The following NCALD variants were observed in gnomAD, a reference collection of about 807,000 sequenced individuals.
NCALD encodes the protein neurocalcin delta, also known as neurocalcin-delta.
NCALD carries 10 observed loss-of-function variants against 18.6 expected under a neutral mutation model. That is an observed-to-expected ratio of 0.54 (90% CI 0.33 to 0.91). NCALD has a LOEUF of 0.91. Ranked by LOEUF, NCALD falls within the 40% of genes least tolerant of loss-of-function variation. NCALD has a pLI of 0.03. For synonymous variants in NCALD, 88 were observed against 87.4 expected (o/e 1.01, Z -0.04); for missense variants, 184 against 247.6 (o/e 0.74, Z 1.72).
In NCALD at chr8:102,081,544, G is replaced by GT. The variant is rs1234414892; in HGVS notation, c.-210+42692dup. Among the ~76,000 whole-genome samples, 88 of 37,934 alleles carry GT rather than the reference G, an allele frequency of 2.3e-3. 1 individual carries two copies. Among genetic ancestry groups the GT allele is most frequent in the Admixed American group, 8.1e-3 (26 of 3,202 alleles). The allele number at this position is 37,934 out of a possible 152,430, so 24.9% of individuals were successfully genotyped here. ...TAAGTCAAGGAGAATTCAAATAATG[G>GT]TAAAAAAAAAAAAAAAAAAAAAAAA... On this transcript the variant is annotated intron_variant, in intron 1 of 6. Coordinates refer to the NCALD transcript ENST00000311028.
At chr8:101,799,455 C>T (rs1311950550) in intron 4 of NCALD, among the ~76,000 whole-genome samples, 2 of 152,206 alleles carry the variant, frequency 1.3e-5, no homozygotes, top group African/African-American at 4.8e-5. Flanking sequence ...GACACGCTAA[C>T]ACAAAAACCT....
intron 2 of NCALD, among the ~76,000 whole-genome samples, chr8:101,925,073 A>G (rs939100123): frequency 1.3e-5 from 2 of 152,182 alleles, no homozygotes; most frequent in African/African-American, 2.4e-5. Flanking sequence ...AGAAAAAAAA[A>G]TAACACAAAG....
At chr8:101,918,146 G>C (rs1044397348) in intron 2 of NCALD, among the ~76,000 whole-genome samples, 10 of 152,110 alleles carry the variant, frequency 6.6e-5, no homozygotes, top group African/African-American at 2.4e-4. Flanking sequence ...GATCAAGTAG[G>C]CTTCATTCCT....
At chr8:101,773,999 C>T (rs76080113) in intron 1 of NCALD, among the ~76,000 whole-genome samples, 2,830 of 152,182 alleles carry the variant, frequency 0.019, 51 homozygotes, top group African/African-American at 0.037. Context: ...CATGGAGTAC[C>T]GCTTATGCAA....
At chr8:101,894,762 G>A (rs1437172098) in intron 3 of NCALD, among the ~76,000 whole-genome samples, 1 of 151,324 alleles carries the variant, frequency 6.6e-6, no homozygotes, top group African/African-American at 2.5e-5. Context: ...AGAAAATCTA[G>A]AAGAAATGGA....
intron 1 of NCALD, among the ~76,000 whole-genome samples, chr8:102,111,412 A>ATGTGTGTGTGTGTGTGTGTGTG (rs57126471): frequency 6.8e-6 from 1 of 147,656 alleles, no homozygotes; most frequent in African/African-American, 2.5e-5. Context: ...GTCTAAAGAG[A>ATGTGTGTGTGTGTGTGTGTGTG]TGTGTGTGTG....
chr8:101,886,121 A>G (rs1816666355), intron 4 of NCALD, among the ~76,000 whole-genome samples: 1 of 152,198 alleles, frequency 6.6e-6, no homozygotes, highest in African/African-American at 2.4e-5. Flanking sequence ...GACTTCAAAT[A>G]TTTCATTACT....
chr8:101,882,945 A>C (rs1291512617), intron 4 of NCALD, among the ~76,000 whole-genome samples: 1 of 152,244 alleles, frequency 6.6e-6, no homozygotes, highest in East Asian at 1.9e-4. Context: ...ACAACTTTTG[A>C]GAATGTGAGA....
At chr8:102,085,604 A>G (rs1052356864) in intron 1 of NCALD, among the ~76,000 whole-genome samples, 2 of 152,126 alleles carry the variant, frequency 1.3e-5, no homozygotes, top group African/African-American at 4.8e-5. Flanking sequence ...AAAATAAAAA[A>G]AAATTAGCTG....
chr8:101,807,112 C>T (rs1259372065), intron 4 of NCALD, among the ~76,000 whole-genome samples: 1 of 151,950 alleles, frequency 6.6e-6, no homozygotes, highest in Non-Finnish European at 1.5e-5. Flanking sequence ...TAAACGAAAA[C>T]AGACCAAATA....
At chr8:102,061,987 C>T (rs149698151) in intron 1 of NCALD, among the ~76,000 whole-genome samples, 6 of 152,260 alleles carry the variant, frequency 3.9e-5, no homozygotes, top group South Asian at 2.1e-4. Flanking sequence ...AATGCCTTAA[C>T]GAAGGCAATT....
chr8:101,747,564 G>A (rs1329571304), intron 1 of NCALD, among the ~76,000 whole-genome samples: 1 of 152,116 alleles, frequency 6.6e-6, no homozygotes, highest in Non-Finnish European at 1.5e-5. Flanking sequence ...TTTTCTCTGT[G>A]GCAAGCCAAG....
chr8:101,992,497 A>AGACACAG (rs1821084906), intron 2 of NCALD, among the ~76,000 whole-genome samples: 3 of 152,234 alleles, frequency 2.0e-5, no homozygotes, highest in Non-Finnish European at 4.4e-5. Context: ...CTGACAGGAA[A>AGACACAG]GAGGTCAACT....
chr8:102,036,147 T>TAAATAAATAAATAAATAAATA (rs1264046653), intron 1 of NCALD, among the ~76,000 whole-genome samples: 1 of 145,540 alleles, frequency 6.9e-6, no homozygotes. Flanking sequence ...ATAAATAAAT[T>TAAATAAATAAATAAATAAATA]AATTAATTAA....
At chr8:102,100,867 G>A (rs2132411831) in intron 1 of NCALD, among the ~76,000 whole-genome samples, 1 of 151,922 alleles carries the variant, frequency 6.6e-6, no homozygotes, top group Middle Eastern at 3.4e-3. Flanking sequence ...TCATAGAGCA[G>A]AACGGTGGTC....
Position 101,873,919 on chromosome 8 carries a change from A to G in NCALD, c.-20+13222T>C, listed in dbSNP as rs148443012. Reference sequence around the variant, plus strand: ...TAGCATTGCCATTAAATTTACAATTAGAAGCACCCTGATCCAAAATTCTTT... The same window carrying G: ...TAGCATTGCCATTAAATTTACAATTGGAAGCACCCTGATCCAAAATTCTTT... On this transcript the variant is annotated intron_variant, in intron 4 of 6. Coordinates refer to the NCALD transcript ENST00000311028. Among the ~76,000 whole-genome samples the G allele has an allele frequency of 5.9e-4, 90 of 152,354 alleles. 1 individual carries two copies. The highest frequency in any genetic ancestry group is 4.5e-3 in the Admixed American group (69 of 15,304).
rs1325766977 is a variant in NCALD at position 101,688,025 on chromosome 8, G to A, written c.*1284C>T. Reference sequence around the variant, plus strand: ...AACCTCTGATTCTTTAACAGGGGCAGGGAAACTGAATATTCCAGACCTGGC... The same window carrying A: ...AACCTCTGATTCTTTAACAGGGGCAAGGAAACTGAATATTCCAGACCTGGC... On this transcript the variant is annotated 3_prime_UTR_variant, in exon 4 of 4. Coordinates refer to ENST00000220931, the MANE Select transcript of NCALD (RefSeq NM_032041.3). 1 of 152,238 alleles carries A rather than the reference G, an allele frequency of 6.6e-6. No individual in the cohort carries two copies. The highest frequency in any genetic ancestry group is 1.9e-4 in the East Asian group (1 of 5,206). The allele number at this position is 152,238 out of a possible 1,614,324, so 9.4% of individuals were successfully genotyped here.
chr8:102,070,397 G>T (rs1259798345), intron 1 of NCALD, among the ~76,000 whole-genome samples: 3 of 151,880 alleles, frequency 2.0e-5, no homozygotes, highest in South Asian at 2.1e-4. Flanking sequence ...ATTCATTTTT[G>T]ATTTTTCTCT....
intron 1 of NCALD, among the ~76,000 whole-genome samples, chr8:102,066,713 T>C (rs1158066233): frequency 6.6e-6 from 1 of 152,226 alleles, no homozygotes; most frequent in Non-Finnish European, 1.5e-5. Context: ...TCCACCTAAT[T>C]CTTTTTTGTA....
Sources: allele counts gnomAD v4.1 joint callset (sites outside exome capture counted in the v4.1 genomes callset), GRCh38; gene constraint gnomAD v4.1.1; transcripts MANE v1.5; gene names NCBI Gene and HGNC (gene_info 2026-07-23, HGNC 2026-07-21).